The following FBXO38 variants were observed in gnomAD, a reference collection of about 807,000 sequenced individuals.
FBXO38 encodes F-box protein 38.
FBXO38 carries 53 observed loss-of-function variants against 131.9 expected under a neutral mutation model. That is an observed-to-expected ratio of 0.40 (90% CI 0.32 to 0.51). The LOEUF is 0.51. Ranked by LOEUF, FBXO38 falls within the 20% of genes least tolerant of loss-of-function variation. The pLI is 0.53. For missense variants in FBXO38, 1,076 were observed against 1,475.6 expected (o/e 0.73, Z 4.44); for synonymous variants, 452 against 505.6 (o/e 0.89, Z 1.42).
At chr5:148,414,092 TA>T in intron 9 of FBXO38, 43 bp from the exon 10 acceptor site, 2 of 1,566,678 alleles carry the variant, frequency 1.3e-6, no homozygotes, top group Non-Finnish European at 1.7e-6. Flanking sequence ...CCCTAACACT[TA>T]AGAATTTGAC....
intron 9 of FBXO38, chr5:148,413,488 G>C (rs1327430884): frequency 6.6e-6 from 1 of 152,288 alleles, no homozygotes; most frequent in African/African-American, 2.4e-5. Flanking sequence ...AGGCAGATGG[G>C]AGAAATGATA....
intron 1 of FBXO38, among the ~76,000 whole-genome samples, chr5:148,388,145 T>C (rs1374250838): frequency 1.3e-5 from 2 of 152,224 alleles, no homozygotes; most frequent in African/African-American, 4.8e-5. Flanking sequence ...AGGTCCATTG[T>C]CAATGAACAG....
chr5:148,422,811 A>AT (rs1469194197), intron 12 of FBXO38, among the ~76,000 whole-genome samples: 1 of 152,212 alleles, frequency 6.6e-6, no homozygotes, highest in African/African-American at 2.4e-5. Context: ...CCTGCATAAA[A>AT]ACCTAGTGGT....
At chr5:148,420,303 T>C (rs1395057010) in intron 12 of FBXO38, among the ~76,000 whole-genome samples, 2 of 151,960 alleles carry the variant, frequency 1.3e-5, no homozygotes, top group Non-Finnish European at 2.9e-5. Context: ...TTCAAAAAAT[T>C]TTGTGTAGAG....
At chr5:148,403,251 T>A (rs1431226089) in intron 5 of FBXO38, among the ~76,000 whole-genome samples, 2 of 152,176 alleles carry the variant, frequency 1.3e-5, no homozygotes, top group Admixed American at 1.3e-4. Flanking sequence ...CAAATATAAG[T>A]ACAGGGTAAG....
intron 11 of FBXO38, chr5:148,416,757 G>A: frequency 2.0e-6 from 1 of 490,504 alleles, no homozygotes; most frequent in South Asian, 2.6e-5. Flanking sequence ...TGTGCTGTTG[G>A]GCAGATCTCT....
intron 14 of FBXO38, among the ~76,000 whole-genome samples, chr5:148,426,487 G>T (rs1753720901): frequency 6.6e-6 from 1 of 152,150 alleles, no homozygotes; most frequent in Non-Finnish European, 1.5e-5. Context: ...AAGAAATTCA[G>T]ATAACTTTAT....
chr5:148,400,098 GTAGT>G (rs1752056518), intron 3 of FBXO38, among the ~76,000 whole-genome samples: 1 of 151,674 alleles, frequency 6.6e-6, no homozygotes, highest in African/African-American at 2.4e-5. Context: ...GCTGGCCATA[GTAGT>G]TATCAATATA....
intron 7 of FBXO38, among the ~76,000 whole-genome samples, chr5:148,407,847 C>T (rs1182451280): frequency 6.6e-6 from 1 of 151,762 alleles, no homozygotes. Flanking sequence ...ATGGCGTGAA[C>T]CTGGGAGGCA....
intron 15 of FBXO38, among the ~76,000 whole-genome samples, chr5:148,430,971 G>C (rs1466005624): frequency 6.6e-6 from 1 of 152,130 alleles, no homozygotes; most frequent in Non-Finnish European, 1.5e-5. Flanking sequence ...CCCAAGACTG[G>C]ATTGATCTGC....
At chr5:148,409,850 G>A (rs1356277313) in intron 8 of FBXO38, among the ~76,000 whole-genome samples, 1 of 152,036 alleles carries the variant, frequency 6.6e-6, no homozygotes, top group Non-Finnish European at 1.5e-5. Flanking sequence ...TCTAAGTTTA[G>A]GTAGGTATTG....
chr5:148,386,205 C>G (rs924421708), intron 1 of FBXO38, among the ~76,000 whole-genome samples: 2 of 152,100 alleles, frequency 1.3e-5, no homozygotes, highest in Non-Finnish European at 2.9e-5. Flanking sequence ...CATCTAGAAG[C>G]CTTTCTCCAA....
At position 148,442,279 on chromosome 5, in the gene FBXO38, A is replaced by C; in HGVS notation, c.*132A>C. 1 of 619,294 alleles carries C rather than the reference A, an allele frequency of 1.6e-6. No homozygotes were observed. The highest frequency in any genetic ancestry group is 3.1e-5 in the Admixed American group (1 of 32,510). The allele number at this position is 619,294 out of a possible 1,614,324, so 38.4% of individuals were successfully genotyped here. A position where few individuals can be genotyped will look rare whatever the true frequency, so the allele number is the denominator to read the frequency against. ...CGGTTTGCTATATAGGGAATATATAAGGAACATCGAAATTGTATACAAAGA... is the reference window on the plus strand; with the variant it reads ...CGGTTTGCTATATAGGGAATATATACGGAACATCGAAATTGTATACAAAGA... On this transcript the variant is annotated 3_prime_UTR_variant, in exon 22 of 22. Coordinates refer to ENST00000340253, the MANE Select transcript of FBXO38 (RefSeq NM_205836.3).
chr5:148,420,781 C>T (rs1268418936), intron 12 of FBXO38, among the ~76,000 whole-genome samples: 3 of 152,042 alleles, frequency 2.0e-5, no homozygotes, highest in African/African-American at 7.2e-5. Flanking sequence ...TTTTTGCCCT[C>T]AGAGTTCCAG....
At chr5:148,436,172 C>G (rs1357378215) in intron 17 of FBXO38, among the ~76,000 whole-genome samples, 1 of 152,134 alleles carries the variant, frequency 6.6e-6, no homozygotes, top group Non-Finnish European at 1.5e-5. Flanking sequence ...TCATGGTTGC[C>G]ACAGACCTTG....
intron 17 of FBXO38, chr5:148,434,463 T>C (rs950016874): frequency 6.6e-5 from 10 of 152,222 alleles, no homozygotes; most frequent in African/African-American, 2.4e-4. Flanking sequence ...ATCTGACTTA[T>C]TTACTTGCCT....
chr5:148,390,549 G>C (rs952624750), intron 1 of FBXO38, among the ~76,000 whole-genome samples: 4 of 152,162 alleles, frequency 2.6e-5, no homozygotes, highest in Non-Finnish European at 4.4e-5. Context: ...AATTTTGTCA[G>C]TCCTGCTAAT....
At chr5:148,419,491 A>G (rs1327052483) in intron 12 of FBXO38, among the ~76,000 whole-genome samples, 2 of 152,218 alleles carry the variant, frequency 1.3e-5, no homozygotes, top group Non-Finnish European at 2.9e-5. Context: ...ACAGTTGACT[A>G]ATATTGATGG....
At chr5:148,397,342 T>A (rs190554764) in intron 2 of FBXO38, among the ~76,000 whole-genome samples, 158 of 152,282 alleles carry the variant, frequency 1.0e-3, no homozygotes, top group Non-Finnish European at 1.8e-3. Context: ...GAAAATATGA[T>A]GTAAAATAAT....
Sources: allele counts gnomAD v4.1 joint callset (sites outside exome capture counted in the v4.1 genomes callset), GRCh38; gene constraint gnomAD v4.1.1; transcripts MANE v1.5; gene names NCBI Gene and HGNC (gene_info 2026-07-23, HGNC 2026-07-21).